Variants in CCNH observed in about 807,000 individuals in gnomAD.
CCNH encodes cyclin-H.
A neutral mutation model predicts 41.9 loss-of-function variants in CCNH; 31 were observed. The ratio of observed to expected loss-of-function variants is 0.74; its 90% CI spans 0.56 to 1.00. CCNH has a LOEUF of 1.00. CCNH is among the 50% of genes least tolerant of loss of function. The pLI is 0.00. For missense variants in CCNH, 362 were observed against 388.4 expected (o/e 0.93, Z 0.57); for synonymous variants, 138 against 136.1 (o/e 1.01, Z -0.10).
intron 4 of CCNH, among the ~76,000 whole-genome samples, chr5:87,407,630 A>G (rs1247681878): frequency 6.6e-6 from 1 of 152,216 alleles, no homozygotes; most frequent in Non-Finnish European, 1.5e-5. Flanking sequence ...AATATAATTC[A>G]AAGTTAGAAG....
intron 5 of CCNH, among the ~76,000 whole-genome samples, chr5:87,403,526 C>A (rs1254164749): frequency 6.6e-6 from 1 of 152,120 alleles, no homozygotes; most frequent in Non-Finnish European, 1.5e-5. Flanking sequence ...ACCTGTCACC[C>A]CAGCACTTTG....
intron 9 of CCNH, among the ~76,000 whole-genome samples, chr5:87,338,536 A>ATATATATATTTTTTTTTTTTTT: frequency 4.7e-5 from 4 of 85,218 alleles, no homozygotes; most frequent in African/African-American, 1.8e-4. Flanking sequence ...TATATATAAA[A>ATATATATATTTTTTTTTTTTTT]TTTTTTTTTT....
At chr5:87,328,116 A>G (rs781110049) in intron 9 of CCNH, among the ~76,000 whole-genome samples, 1 of 152,210 alleles carries the variant, frequency 6.6e-6, no homozygotes, top group Non-Finnish European at 1.5e-5. Flanking sequence ...TTCTTCTTTC[A>G]TTGGACAAAT....
downstream of CCNH, chr5:87,374,822 T>C: frequency 6.2e-7 from 1 of 1,609,114 alleles, no homozygotes; most frequent in Non-Finnish European, 8.5e-7. Flanking sequence ...TTAATTCTTT[T>C]TCTCCTTGCT....
At chr5:87,332,561 G>A in intron 9 of CCNH, 2 of 1,608,070 alleles carry the variant, frequency 1.2e-6, no homozygotes, top group Non-Finnish European at 8.5e-7. Flanking sequence ...TTTCTTCACT[G>A]TCAGACCTAA....
intron 9 of CCNH, chr5:87,337,938 TTTTAAA>T: frequency 6.4e-7 from 1 of 1,555,042 alleles, no homozygotes; most frequent in African/African-American, 1.4e-5. Flanking sequence ...TATTTAAAAT[TTTTAAA>T]TTTAATAACT....
At chr5:87,332,674 C>CT (rs771476541) in intron 9 of CCNH, 9 of 1,581,430 alleles carry the variant, frequency 5.7e-6, no homozygotes, top group Non-Finnish European at 2.6e-6. Flanking sequence ...TCTTTCAAAA[C>CT]TTTATTTTTT....
chr5:87,339,685 G>C (rs1315469853), intron 9 of CCNH, among the ~76,000 whole-genome samples: 2 of 152,090 alleles, frequency 1.3e-5, no homozygotes, highest in Non-Finnish European at 2.9e-5. Flanking sequence ...ATCAGTACAA[G>C]GGATCAAGGA....
chr5:87,388,055 G>A (rs1561332176), downstream of CCNH, among the ~76,000 whole-genome samples: 1 of 152,208 alleles, frequency 6.6e-6, no homozygotes, highest in East Asian at 1.9e-4. Context: ...AGCTTTTGCT[G>A]AACCCCAAAC....
At chr5:87,351,968 T>C (rs1759311228) in intron 9 of CCNH, among the ~76,000 whole-genome samples, 1 of 151,852 alleles carries the variant, frequency 6.6e-6, no homozygotes, top group South Asian at 2.1e-4. Context: ...GATTTGGTGC[T>C]TTTTGCTTTA....
At chr5:87,322,982 T>G (rs1476717772) in intron 9 of CCNH, among the ~76,000 whole-genome samples, 1 of 152,174 alleles carries the variant, frequency 6.6e-6, no homozygotes, top group East Asian at 1.9e-4. Context: ...ATATTCACCT[T>G]AAGGTGAAGA....
At chr5:87,390,783 A>AT (rs1361689538), downstream of CCNH, 1 of 1,597,940 alleles carries the variant, frequency 6.3e-7, no homozygotes, top group Non-Finnish European at 8.6e-7. Context: ...TTTTCATACC[A>AT]TTTTTCCTCT....
chr5:87,390,592 G>T (rs1762436786), downstream of CCNH, among the ~76,000 whole-genome samples: 1 of 152,054 alleles, frequency 6.6e-6, no homozygotes, highest in South Asian at 2.1e-4. Flanking sequence ...ACAAATTTCT[G>T]TTCACTTTAG....
At chr5:87,347,805 G>A (rs1438921420) in intron 9 of CCNH, among the ~76,000 whole-genome samples, 1 of 151,954 alleles carries the variant, frequency 6.6e-6, no homozygotes, top group East Asian at 1.9e-4. Context: ...ATTTCAGTGT[G>A]GAACCAAAAA....
intron 9 of CCNH, chr5:87,363,579 T>C: frequency 6.7e-7 from 1 of 1,495,976 alleles, no homozygotes; most frequent in East Asian, 2.3e-5. Flanking sequence ...CAAACCAATT[T>C]TGAGAGCCCT....
chr5:87,403,514 G>C (rs1763567656), intron 5 of CCNH, among the ~76,000 whole-genome samples: 1 of 152,122 alleles, frequency 6.6e-6, no homozygotes, highest in Non-Finnish European at 1.5e-5. Flanking sequence ...ATGGTGGTGT[G>C]CACCTGTCAC....
chr5:87,374,856 A>C, downstream of CCNH: 1 of 1,610,022 alleles, frequency 6.2e-7, no homozygotes, highest in Non-Finnish European at 8.5e-7. Flanking sequence ...TCCTCCTGAC[A>C]TCAATAGATT....
upstream of CCNH, among the ~76,000 whole-genome samples, chr5:87,381,937 G>A (rs1438910240): frequency 6.6e-6 from 1 of 152,096 alleles, no homozygotes; most frequent in Non-Finnish European, 1.5e-5. Context: ...AATTTGGGAA[G>A]TCCAAAATTA....
chr5:87,365,421 T>C (rs1211161421), intron 9 of CCNH, among the ~76,000 whole-genome samples: 2 of 152,142 alleles, frequency 1.3e-5, no homozygotes, highest in Non-Finnish European at 2.9e-5. Flanking sequence ...CCAGGTACTC[T>C]GAATATTACT....
Sources: gnomAD v4.1 joint callset for allele counts (sites outside exome capture counted in the v4.1 genomes callset) on GRCh38, gnomAD v4.1.1 for gene constraint, MANE v1.5 for transcripts, NCBI Gene and HGNC (gene_info 2026-07-23, HGNC 2026-07-21) for gene names.